ARL15: variants seen among roughly 807,000 people sequenced by gnomAD.
ARL15 encodes ARF like GTPase 15.
Under a neutral mutation model 25.2 loss-of-function variants are expected in ARL15, and 19 were observed. The ratio of observed to expected loss-of-function variants is 0.75; its 90% CI spans 0.53 to 1.10. The LOEUF (loss-of-function observed/expected upper bound fraction) is 1.10. Among genes scored for constraint, ARL15 ranks in the 50% least tolerant of loss-of-function variants. The probability of loss-of-function intolerance (pLI) is 0.00; values close to 1 mark genes in which losing one functional copy is unlikely to be tolerated. For synonymous variants in ARL15, 94 were observed against 86.8 expected, an observed-to-expected ratio of 1.08 and a Z score of -0.46; for missense variants, 220 against 246.0, an observed-to-expected ratio of 0.89 and a Z score of 0.71.
At chr5:54,128,839 G>A (rs1294813943) in intron 3 of ARL15, among the ~76,000 whole-genome samples, 2 of 151,292 alleles carry the variant, frequency 1.3e-5, no homozygotes, top group African/African-American at 2.4e-5. Context: ...CCGAGTAGCT[G>A]GGACTACAGA....
rs1484400709 is a variant in ARL15, at chr5:54,198,304, G to A, written c.49-26376C>T. The stretch of plus-strand genomic sequence containing the variant: ...TTGGAAGTTCTGGCCGGGGCAATCA[G>A]GCAGGAGAAGGAAATAAAGGGTATT... On this transcript the variant is annotated intron_variant, in intron 1 of 4. Transcript: ENST00000504924. Among the ~76,000 whole-genome samples the A allele has an allele frequency of 3.3e-5, 5 of 152,212 alleles. No homozygotes were observed. The South Asian group carries it at 1.0e-3, about 32-fold the overall frequency.
At chr5:54,201,073 C>G (rs545493725) in intron 1 of ARL15, among the ~76,000 whole-genome samples, 1 of 151,974 alleles carries the variant, frequency 6.6e-6, no homozygotes, top group Non-Finnish European at 1.5e-5. Flanking sequence ...TTGAGTGATT[C>G]TCATTTATCT....
intron 4 of ARL15, among the ~76,000 whole-genome samples, chr5:53,985,327 T>A (rs181133387): frequency 1.3e-4 from 20 of 152,318 alleles, no homozygotes; most frequent in African/African-American, 4.6e-4. Flanking sequence ...AAATTTACCA[T>A]CTTAACCATT....
intron 2 of ARL15, among the ~76,000 whole-genome samples, chr5:54,155,096 G>C (rs1754187973): frequency 6.6e-6 from 1 of 152,112 alleles, no homozygotes; most frequent in East Asian, 1.9e-4. Context: ...ACTCCAGCCT[G>C]GTGACACGCC....
chr5:54,096,561 C>T (rs1260224950), intron 4 of ARL15, among the ~76,000 whole-genome samples: 1 of 152,134 alleles, frequency 6.6e-6, no homozygotes, highest in Non-Finnish European at 1.5e-5. Context: ...CAGGCACCCG[C>T]CACCACACCC....
At chr5:54,045,906 CTT>C (rs1347478526) in intron 4 of ARL15, among the ~76,000 whole-genome samples, 1 of 152,210 alleles carries the variant, frequency 6.6e-6, no homozygotes, top group East Asian at 1.9e-4. Flanking sequence ...TTAGTTTTCT[CTT>C]TCTGTCCTAC....
At chr5:54,016,817 A>G (rs1749442501) in intron 4 of ARL15, among the ~76,000 whole-genome samples, 1 of 152,198 alleles carries the variant, frequency 6.6e-6, no homozygotes, top group Admixed American at 6.5e-5. Flanking sequence ...ATGCCTTATA[A>G]TACCTTCTAA....
At chr5:54,183,129 A>T (rs1349175167) in intron 1 of ARL15, among the ~76,000 whole-genome samples, 1 of 120,684 alleles carries the variant, frequency 8.3e-6, no homozygotes, top group African/African-American at 2.9e-5. Flanking sequence ...TTCCTAATTG[A>T]ATACCCGTTA....
chr5:53,900,552 GA>G (rs1466262620), intron 4 of ARL15, among the ~76,000 whole-genome samples: 4 of 149,746 alleles, frequency 2.7e-5, no homozygotes, highest in East Asian at 2.0e-4. Flanking sequence ...GCACAGAAAT[GA>G]AAAAAAATTG....
At chr5:54,002,838 A>G (rs770686288) in intron 4 of ARL15, among the ~76,000 whole-genome samples, 9 of 152,176 alleles carry the variant, frequency 5.9e-5, no homozygotes, top group Non-Finnish European at 8.8e-5. Flanking sequence ...CTATGCTCTC[A>G]TTGCTAATGA....
intron 4 of ARL15, among the ~76,000 whole-genome samples, chr5:53,959,400 A>G (rs1747286388): frequency 6.6e-6 from 1 of 152,196 alleles, no homozygotes; most frequent in Admixed American, 6.5e-5. Context: ...GAGACACAAT[A>G]GAGAATAAAA....
chr5:54,295,310 C>T (rs568091602), intron 1 of ARL15, among the ~76,000 whole-genome samples: 9 of 152,208 alleles, frequency 5.9e-5, no homozygotes, highest in Non-Finnish European at 8.8e-5. Flanking sequence ...TAACAAAGAT[C>T]CCCAGTATAG....
chr5:54,302,539 T>C (rs1354240051), intron 1 of ARL15, among the ~76,000 whole-genome samples: 1 of 152,146 alleles, frequency 6.6e-6, no homozygotes, highest in Non-Finnish European at 1.5e-5. Flanking sequence ...AAAATGGTGA[T>C]TAAGACGGTC....
intron 4 of ARL15, among the ~76,000 whole-genome samples, chr5:53,975,444 T>C (rs1298027474): frequency 2.0e-5 from 3 of 152,304 alleles, no homozygotes; most frequent in Non-Finnish European, 4.4e-5. Flanking sequence ...CTCTAAGAAG[T>C]TCTCAAGGAT....
At chr5:54,298,585 T>A (rs1205340286) in intron 1 of ARL15, among the ~76,000 whole-genome samples, 1 of 152,128 alleles carries the variant, frequency 6.6e-6, no homozygotes, top group Non-Finnish European at 1.5e-5. Flanking sequence ...CTCTTCTCTT[T>A]CCTGGTGAAT....
At chr5:54,242,285 T>C (rs1000060572) in intron 1 of ARL15, among the ~76,000 whole-genome samples, 1 of 152,140 alleles carries the variant, frequency 6.6e-6, no homozygotes, top group Admixed American at 6.5e-5. Context: ...TTAGGGAATA[T>C]ATAGGGAAGT....
chr5:53,929,685 G>A (rs186779258), intron 4 of ARL15, among the ~76,000 whole-genome samples: 2 of 152,330 alleles, frequency 1.3e-5, no homozygotes, highest in East Asian at 3.9e-4. Flanking sequence ...GAGGAGCTTG[G>A]TCATGGGGGA....
intron 1 of ARL15, among the ~76,000 whole-genome samples, chr5:54,255,156 T>C (rs184748398): frequency 6.6e-6 from 1 of 152,292 alleles, no homozygotes; most frequent in Admixed American, 6.5e-5. Flanking sequence ...GTTACTGAAA[T>C]GGACACACGT....
chr5:53,901,550 G>A (rs766927231), intron 4 of ARL15, among the ~76,000 whole-genome samples: 1 of 151,838 alleles, frequency 6.6e-6, no homozygotes, highest in African/African-American at 2.4e-5. Flanking sequence ...TGCTACACAC[G>A]AGTAAAATGT....
Sources: allele counts gnomAD v4.1 joint callset (sites outside exome capture counted in the v4.1 genomes callset), GRCh38; gene constraint gnomAD v4.1.1; transcripts MANE v1.5; gene names NCBI Gene and HGNC (gene_info 2026-07-23, HGNC 2026-07-21).